The following ATAD2B variants were observed in gnomAD, a reference collection of about 807,000 sequenced individuals.
The protein encoded by ATAD2B is ATPase family AAA domain containing 2B.
A neutral mutation model predicts 167.6 loss-of-function variants in ATAD2B; 40 were observed. The ratio of observed to expected loss-of-function variants is 0.24; its 90% CI spans 0.19 to 0.31. The LOEUF is 0.31. Ranked by LOEUF, ATAD2B falls within the 10% of genes least tolerant of loss-of-function variation. The pLI is 1.00. For missense variants in ATAD2B, 1,242 were observed against 1,757.2 expected, an observed-to-expected ratio of 0.71 and a Z score of 5.24; for synonymous variants, 579 against 596.5, an observed-to-expected ratio of 0.97 and a Z score of 0.43.
chr2:23,761,228 C>T (rs1445160555), intron 24 of ATAD2B, among the ~76,000 whole-genome samples: 1 of 152,172 alleles, frequency 6.6e-6, no homozygotes, highest in African/African-American at 2.4e-5. Context: ...TTCTCATATA[C>T]AAATGCCACT....
At chr2:23,837,910 G>C (rs1029670165) in intron 13 of ATAD2B, among the ~76,000 whole-genome samples, 1 of 152,162 alleles carries the variant, frequency 6.6e-6, no homozygotes, top group Non-Finnish European at 1.5e-5. Flanking sequence ...AAACATTTCT[G>C]AATATAAGTG....
At chr2:23,758,170 T>G in intron 24 of ATAD2B, 69 bp from the exon 25 acceptor site, 2 of 1,265,186 alleles carry the variant, frequency 1.6e-6, no homozygotes. Flanking sequence ...ATATGTTTAT[T>G]AAACAGGACC....
At chr2:23,823,158 T>C (rs1057426729) in intron 16 of ATAD2B, 100 bp downstream of exon 16, 6 of 1,053,198 alleles carry the variant, frequency 5.7e-6, no homozygotes, top group African/African-American at 3.2e-5. Flanking sequence ...TAAACAGATA[T>C]ATTACAAAAG....
intron 14 of ATAD2B, among the ~76,000 whole-genome samples, chr2:23,829,531 G>A (rs992347442): frequency 1.3e-5 from 2 of 152,074 alleles, no homozygotes; most frequent in Non-Finnish European, 2.9e-5. Flanking sequence ...TAGGAGGATC[G>A]TTTATGTCCA....
At chr2:23,827,485 C>T (rs1446064770) in intron 15 of ATAD2B, among the ~76,000 whole-genome samples, 5 of 152,028 alleles carry the variant, frequency 3.3e-5, no homozygotes, top group Admixed American at 6.6e-5. Flanking sequence ...AGGGAATTTC[C>T]AAAATGATTT....
the ATAD2B span, among the ~76,000 whole-genome samples, chr2:23,716,903 T>C: frequency 6.6e-6 from 1 of 152,198 alleles, no homozygotes; most frequent in Non-Finnish European, 1.5e-5. Context: ...TCAGTGACTG[T>C]GCTAAATCTT....
the ATAD2B span, among the ~76,000 whole-genome samples, chr2:23,679,555 C>T: frequency 6.8e-6 from 1 of 148,018 alleles, no homozygotes; most frequent in Non-Finnish European, 1.5e-5. Flanking sequence ...GTAGGGAAAT[C>T]ATCTCCACCT....
chr2:23,754,172 C>A lies in ATAD2B; in HGVS notation c.4335+7G>T. 6.6e-7 allele frequency: 1 copy of A among 1,511,396 alleles called. No individual in the cohort carries two copies. Among genetic ancestry groups the A allele is most frequent in the Non-Finnish European group, 8.8e-7 (1 of 1,132,070 alleles). 93.6% of individuals were successfully genotyped at this position (1,511,396 alleles called of 1,614,324 possible). On this transcript the variant is annotated splice_region_variant and intron_variant, in intron 27 of 27. Coordinates refer to ENST00000238789, the MANE Select transcript of ATAD2B (RefSeq NM_017552.4). ...TTGTTTATTCTACAGATAAACTAAA[C>A]ACTTACCTCTACAAGTTGTGATTTG...
At chr2:23,832,087 T>C (rs1689153744) in intron 14 of ATAD2B, 1 of 347,288 alleles carries the variant, frequency 2.9e-6, no homozygotes, top group South Asian at 2.3e-5. Context: ...CAATGACGAA[T>C]TTTCTGTGCT....
intron 8 of ATAD2B, among the ~76,000 whole-genome samples, chr2:23,875,305 T>C (rs148562258): frequency 1.3e-5 from 2 of 151,944 alleles, no homozygotes; most frequent in Admixed American, 6.6e-5. Flanking sequence ...TTTGAGACCA[T>C]CCTGGCCAAC....
chr2:23,823,944 G>C (rs186218059), intron 15 of ATAD2B, among the ~76,000 whole-genome samples: 2 of 150,350 alleles, frequency 1.3e-5, no homozygotes, highest in Admixed American at 1.3e-4. Flanking sequence ...TAAGAGACAG[G>C]GTCTCAAAAA....
intron 20 of ATAD2B, among the ~76,000 whole-genome samples, chr2:23,787,904 A>G (rs1161377587): frequency 6.6e-6 from 1 of 152,060 alleles, no homozygotes; most frequent in Non-Finnish European, 1.5e-5. Context: ...AAGGAACTGA[A>G]ATCTGAGAAA....
chr2:23,806,543 A>G (rs991887872), intron 18 of ATAD2B, among the ~76,000 whole-genome samples: 4 of 151,344 alleles, frequency 2.6e-5, no homozygotes, highest in African/African-American at 9.7e-5. Flanking sequence ...TCTCCTTGCT[A>G]CTCTCATATT....
At chr2:23,760,158 A>C (rs1277157233) in intron 24 of ATAD2B, among the ~76,000 whole-genome samples, 1 of 152,210 alleles carries the variant, frequency 6.6e-6, no homozygotes, top group Non-Finnish European at 1.5e-5. Flanking sequence ...GTAAGAGAAA[A>C]TGGTCTTAAT....
the ATAD2B span, among the ~76,000 whole-genome samples, chr2:23,713,939 G>C: frequency 1.3e-5 from 2 of 152,174 alleles, no homozygotes; most frequent in Non-Finnish European, 2.9e-5. Context: ...TTTGGGAAAT[G>C]CTAGGTTTAT....
intron 21 of ATAD2B, 80 bp from the exon 22 acceptor site, chr2:23,783,108 G>T: frequency 1.4e-6 from 1 of 721,782 alleles, no homozygotes; most frequent in Non-Finnish European, 2.1e-6. Flanking sequence ...TAAAAACAAA[G>T]TTCTTTAAAA....
chr2:23,720,853 C>T, the ATAD2B span, among the ~76,000 whole-genome samples: 5 of 151,120 alleles, frequency 3.3e-5, no homozygotes, highest in Non-Finnish European at 5.9e-5. Flanking sequence ...CTCCACACCC[C>T]CACCCTCACC....
At chr2:23,824,898 A>G (rs1688010668) in intron 15 of ATAD2B, among the ~76,000 whole-genome samples, 2 of 152,192 alleles carry the variant, frequency 1.3e-5, no homozygotes, top group Non-Finnish European at 2.9e-5. Flanking sequence ...CAATAGTTAT[A>G]GAATATTAGA....
chr2:23,838,763 T>C (rs1036226519), intron 13 of ATAD2B, among the ~76,000 whole-genome samples: 5 of 152,164 alleles, frequency 3.3e-5, no homozygotes, highest in Non-Finnish European at 7.4e-5. Context: ...TCTTTTACCA[T>C]AAATTAGGCA....
Sources: allele counts gnomAD v4.1 joint callset (sites outside exome capture counted in the v4.1 genomes callset), GRCh38; gene constraint gnomAD v4.1.1; transcripts MANE v1.5; gene names NCBI Gene and HGNC (gene_info 2026-07-23, HGNC 2026-07-21).